DMD: variants seen among roughly 807,000 people sequenced by gnomAD.
DMD encodes the protein dystrophin, also known as mutant dystrophin.
A neutral mutation model predicts 330.1 loss-of-function variants in DMD; 63 were observed. The ratio of observed to expected loss-of-function variants is 0.19; its 90% CI spans 0.16 to 0.24. The LOEUF is 0.24. DMD is among the 10% of genes least tolerant of loss of function. The pLI is 1.00. For missense variants in DMD, 3,344 were observed against 2,684.1 expected, an observed-to-expected ratio of 1.25 and a Z score of -5.43; for synonymous variants, 1,223 against 959.8, an observed-to-expected ratio of 1.27 and a Z score of -5.07.
At chrX:32,299,449 T>C (rs2097512223) in intron 42 of DMD, among the ~76,000 whole-genome samples, 1 of 109,300 alleles carries the variant, frequency 9.1e-6, no homozygotes, top group Non-Finnish European at 1.9e-5. Context: ...GAAAGGATAA[T>C]CAAAGTGAAT....
chrX:33,006,403 C>A (rs1451092247), intron 2 of DMD, among the ~76,000 whole-genome samples: 1 of 111,693 alleles, frequency 9.0e-6, no homozygotes, highest in Non-Finnish European at 1.9e-5. Flanking sequence ...ACAAATACAT[C>A]AATAGAACAG....
Position 32,986,943 on chromosome X carries a change from C to T in DMD, c.93+33196G>A, listed in dbSNP as rs181116999. Among the ~76,000 whole-genome samples, 55 of 111,995 alleles carry T rather than the reference C, an allele frequency of 4.9e-4. 1 individual carries two copies. Among genetic ancestry groups the T allele is most frequent in the African/African-American group, 1.6e-3 (48 of 30,852 alleles). On this transcript the variant is annotated intron_variant, in intron 2 of 78. Transcript: ENST00000357033. Reference sequence around the variant, plus strand: ...TTTCCCTTTATTTGGAAAGATTATTCGGTAGCTGTTTCTGAAATGTCTAGT... The same window carrying T: ...TTTCCCTTTATTTGGAAAGATTATTTGGTAGCTGTTTCTGAAATGTCTAGT...
At chrX:32,741,362 T>G (rs778323119) in intron 7 of DMD, among the ~76,000 whole-genome samples, 8 of 111,513 alleles carry the variant, frequency 7.2e-5, no homozygotes, top group Admixed American at 1.9e-4. Context: ...TGCAATATAT[T>G]TTTTCAAACC....
chrX:32,364,780 C>A (rs1210469432), intron 35 of DMD, 70 bp from the exon 36 acceptor site: 3 of 1,109,832 alleles, frequency 2.7e-6, no homozygotes, highest in Non-Finnish European at 3.7e-6. Context: ...TTCCTATGTT[C>A]TAAAATGTTT....
At chrX:31,228,197 G>A (rs2046835625) in intron 63 of DMD, among the ~76,000 whole-genome samples, 1 of 101,014 alleles carries the variant, frequency 9.9e-6, no homozygotes, top group Admixed American at 1.1e-4. Flanking sequence ...CATGGCACAT[G>A]TATACATATG....
At chrX:31,310,268 T>C (rs1411698550) in intron 62 of DMD, among the ~76,000 whole-genome samples, 1 of 109,143 alleles carries the variant, frequency 9.2e-6, no homozygotes, top group Non-Finnish European at 1.9e-5. Context: ...CATATAGATA[T>C]ATGAGTAAAA....
At chrX:31,819,591 G>T (rs1160554512) in intron 50 of DMD, among the ~76,000 whole-genome samples, 1 of 112,913 alleles carries the variant, frequency 8.9e-6, no homozygotes, top group Non-Finnish European at 1.9e-5. Flanking sequence ...GCTGGATCAG[G>T]AATACAAGGG....
intron 9 of DMD, among the ~76,000 whole-genome samples, chrX:32,649,796 A>C (rs770850979): frequency 1.8e-5 from 2 of 110,605 alleles, no homozygotes; most frequent in Non-Finnish European, 3.8e-5. Flanking sequence ...ATATTTTAAA[A>C]TCCAGTTTAC....
intron 50 of DMD, among the ~76,000 whole-genome samples, chrX:31,795,024 T>C (rs1163466677): frequency 1.8e-5 from 2 of 112,144 alleles, no homozygotes; most frequent in Non-Finnish European, 3.8e-5. Context: ...TTGGGCCCAG[T>C]GTCACCCCAA....
At chrX:31,881,396 C>CA (rs34731646) in intron 47 of DMD, among the ~76,000 whole-genome samples, 12,842 of 80,854 alleles carry the variant, frequency 0.16, 1,031 homozygotes, top group African/African-American at 0.29. Flanking sequence ...ACTAAAAATA[C>CA]AAAAAAAAAA....
chrX:32,365,391 T>C (rs1428921347), intron 34 of DMD, among the ~76,000 whole-genome samples, 192 bp from the exon 35 acceptor site: 1 of 111,491 alleles, frequency 9.0e-6, no homozygotes, highest in Non-Finnish European at 1.9e-5. Context: ...CATATATATG[T>C]ACATAAGCAT....
chrX:31,885,093 T>G (rs1603533623), intron 47 of DMD, among the ~76,000 whole-genome samples: 1 of 111,533 alleles, frequency 9.0e-6, no homozygotes, highest in Non-Finnish European at 1.9e-5. Context: ...TGATGGATTT[T>G]ACTTATATTC....
chrX:33,305,148 C>T (rs1215603285), intron 1 of DMD, among the ~76,000 whole-genome samples: 1 of 105,916 alleles, frequency 9.4e-6, no homozygotes, highest in African/African-American at 3.4e-5. Context: ...TTCACAATAG[C>T]AAAGACTTGG....
rs1464632710 is a variant in DMD at position 32,331,023 on chromosome X, A to G, written c.5922+11077T>C. On this transcript the variant is annotated intron_variant, in intron 41 of 78. Coordinates refer to ENST00000357033, the MANE Select transcript of DMD (RefSeq NM_004006.3). ...AGTAAAACTACATCTTGATGCTGGA[A>G]CCCTGTCCCCTAATTTTATAGGATC... is the stretch of plus-strand genomic sequence containing the variant. Among the ~76,000 whole-genome samples the G allele has an allele frequency of 4.5e-5, 5 of 111,700 alleles. No homozygotes were observed. In the East Asian group the frequency reaches 1.1e-3, roughly 25 times the overall value.
chrX:31,909,517 T>TGA (rs1258452317), intron 47 of DMD, among the ~76,000 whole-genome samples: 2 of 78,289 alleles, frequency 2.6e-5, no homozygotes, highest in Admixed American at 2.8e-4. Context: ...CAGAGAAATG[T>TGA]GAAAAAAAAA....
At chrX:32,404,198 C>T (rs1171376623) in intron 30 of DMD, among the ~76,000 whole-genome samples, 1 of 111,714 alleles carries the variant, frequency 9.0e-6, no homozygotes, top group South Asian at 3.7e-4. Flanking sequence ...GTGCATTTAA[C>T]GTAATTAGTT....
At position 32,970,307 on chromosome X, in the gene DMD, TAA is replaced by T. The variant is rs1485314039; in HGVS notation, c.93+49830_93+49831del. Reference sequence around the variant, plus strand: ...ACTTAATTGTAAATTTAAAAATAACTAAAAGAGTGTAATTGGATTGCTTGTAA... The same window carrying T: ...ACTTAATTGTAAATTTAAAAATAACTAAGAGTGTAATTGGATTGCTTGTAA... On this transcript the variant is annotated intron_variant, in intron 2 of 78. Transcript: ENST00000357033. 3.2e-4 allele frequency among the ~76,000 whole-genome samples: 30 copies of T among 94,392 alleles called. 8 individuals carry two copies. Among genetic ancestry groups the T allele is most frequent in the African/African-American group, 1.3e-3 (28 of 20,934 alleles). The allele number at this position is 94,392 out of a possible 115,157, so 82.0% of individuals were successfully genotyped here. A position where few individuals can be genotyped will look rare whatever the true frequency, so the allele number is the denominator to read the frequency against.
intron 60 of DMD, among the ~76,000 whole-genome samples, chrX:31,382,066 C>T (rs1437008461): frequency 9.0e-6 from 1 of 111,540 alleles, no homozygotes; most frequent in African/African-American, 3.3e-5. Context: ...CACCTCTATA[C>T]GGTCCTATAA....
chrX:32,360,145 C>A (rs1422771912), intron 37 of DMD, among the ~76,000 whole-genome samples: 1 of 111,479 alleles, frequency 9.0e-6, no homozygotes, highest in East Asian at 2.8e-4. Context: ...TTTGAACATC[C>A]CCATGAAGAT....
Sources: gnomAD v4.1 joint callset for allele counts (sites outside exome capture counted in the v4.1 genomes callset) on GRCh38, gnomAD v4.1.1 for gene constraint, MANE v1.5 for transcripts, NCBI Gene and HGNC (gene_info 2026-07-23, HGNC 2026-07-21) for gene names.